OR56A3: variants seen among roughly 807,000 people sequenced by gnomAD.
The protein encoded by OR56A3 is olfactory receptor family 56 subfamily A member 3.
In OR56A3, 23 loss-of-function variants were observed where a neutral mutation model predicts 17.5. The observed-to-expected ratio is 1.32, with a 90% CI of 0.95 to 1.87. OR56A3 has a LOEUF of 1.87. Ranked by LOEUF, OR56A3 falls within the 40% of genes most tolerant of loss-of-function variation. The pLI is 0.00. For missense variants in OR56A3, 366 were observed against 380.1 expected, an observed-to-expected ratio of 0.96 and a Z score of 0.31; for synonymous variants, 175 against 150.6, an observed-to-expected ratio of 1.16 and a Z score of -1.19.
At chr11:6,002,349 A>G in the OR56A3 span, 2 of 1,614,052 alleles carry the variant, frequency 1.2e-6, no homozygotes, top group Admixed American at 3.3e-5. Context: ...AACAATAAGG[A>G]TAAGATCAGA....
chr11:6,014,185 A>G, the OR56A3 span, among the ~76,000 whole-genome samples: 54 of 152,338 alleles, frequency 3.5e-4, no homozygotes, highest in African/African-American at 1.1e-3. Flanking sequence ...GAAGTCTTCA[A>G]TAACAACCAC....
the OR56A3 span, chr11:5,994,301 C>T: frequency 8.5e-4 from 548 of 644,810 alleles, no homozygotes; most frequent in African/African-American, 8.5e-3. Context: ...TCAGCAGCTC[C>T]GACCTTGGCG....
At chr11:6,008,742 C>G in the OR56A3 span, among the ~76,000 whole-genome samples, 1 of 152,018 alleles carries the variant, frequency 6.6e-6, no homozygotes, top group Admixed American at 6.6e-5. Flanking sequence ...AAGCCCTATA[C>G]TACATGTTAT....
At chr11:6,006,008 T>C in the OR56A3 span, among the ~76,000 whole-genome samples, 11 of 152,070 alleles carry the variant, frequency 7.2e-5, no homozygotes, top group African/African-American at 2.7e-4. Flanking sequence ...GGAAAAGTGA[T>C]TAAGATCTGA....
At chr11:5,967,335 T>G in the OR56A3 span, among the ~76,000 whole-genome samples, 20 of 152,158 alleles carry the variant, frequency 1.3e-4, no homozygotes, top group Non-Finnish European at 2.4e-4. Context: ...CAAGAAAAAC[T>G]TCCAAACAAT....
At chr11:5,985,699 A>C in the OR56A3 span, among the ~76,000 whole-genome samples, 2 of 152,240 alleles carry the variant, frequency 1.3e-5, no homozygotes, top group Non-Finnish European at 2.9e-5. Context: ...TGACACAAGG[A>C]GTAGAGAAAT....
chr11:5,963,433 C>G, the OR56A3 span, among the ~76,000 whole-genome samples: 321 of 152,078 alleles, frequency 2.1e-3, no homozygotes, highest in Non-Finnish European at 3.7e-3. Context: ...TGAAGGAGAG[C>G]TTTGCTAGGT....
chr11:5,968,461 C>T, the OR56A3 span: 1 of 1,564,352 alleles, frequency 6.4e-7, no homozygotes, highest in Non-Finnish European at 8.7e-7. Context: ...AATTCAAAGA[C>T]TGGGGAAGTG....
rs997128947 is a variant in OR56A3, at chr11:5,944,805, G to A, written c.-313-1G>A. The A allele has an allele frequency of 2.6e-5, 4 of 152,134 alleles. No individual in the cohort carries two copies. Among genetic ancestry groups the A allele is most frequent in the Admixed American group, 6.5e-5 (1 of 15,282 alleles). The allele number at this position is 152,134 out of a possible 1,614,324, so 9.4% of individuals were successfully genotyped here. A position where few individuals can be genotyped will look rare whatever the true frequency, so the allele number is the denominator to read the frequency against. On this transcript the variant is annotated splice_acceptor_variant, in intron 1 of 2. Coordinates refer to ENST00000641160, the MANE Select transcript of OR56A3 (RefSeq NM_001003443.3). LOFTEE classifies it low-confidence loss of function (5UTR_SPLICE). ...TTACTAATATACCCTATTATTTACA[G>A]GAGAAAAGAATTGGGAGAATATCTA... is the stretch of plus-strand genomic sequence containing the variant.
the OR56A3 span, chr11:6,000,230 T>C: frequency 2.6e-5 from 4 of 152,214 alleles, no homozygotes; most frequent in African/African-American, 9.6e-5. Context: ...CCAACAATGG[T>C]AGACTGGATT....
chr11:6,003,099 C>T, the OR56A3 span: 5 of 1,605,770 alleles, frequency 3.1e-6, no homozygotes, highest in African/African-American at 4.0e-5. Flanking sequence ...TGGGTTTCCA[C>T]TGAGGCCCTG....
At chr11:6,002,173 C>G in the OR56A3 span, 1 of 1,614,180 alleles carries the variant, frequency 6.2e-7, no homozygotes, top group Non-Finnish European at 8.5e-7. Flanking sequence ...ATGGGGACAT[C>G]TGGAGGAATT....
At chr11:6,003,304 A>G in the OR56A3 span, 2 of 517,752 alleles carry the variant, frequency 3.9e-6, no homozygotes, top group Non-Finnish European at 6.6e-6. Context: ...AATTGTAAGA[A>G]GAATCTTCTA....
the OR56A3 span, chr11:6,002,638 T>C: frequency 6.2e-7 from 1 of 1,614,222 alleles, no homozygotes; most frequent in Non-Finnish European, 8.5e-7. Context: ...GCCATGACCA[T>C]GAACGTGCAG....
At chr11:5,979,436 C>T in the OR56A3 span, among the ~76,000 whole-genome samples, 2 of 151,852 alleles carry the variant, frequency 1.3e-5, no homozygotes, top group Non-Finnish European at 2.9e-5. Flanking sequence ...ATTTCTTCCT[C>T]ATTTAATCTT....
At chr11:5,960,120 C>T in the OR56A3 span, among the ~76,000 whole-genome samples, 1 of 152,040 alleles carries the variant, frequency 6.6e-6, no homozygotes, top group Non-Finnish European at 1.5e-5. Flanking sequence ...TTTTTGTTTT[C>T]TTTCTCAAGA....
At chr11:5,999,202 T>G in the OR56A3 span, among the ~76,000 whole-genome samples, 2 of 151,976 alleles carry the variant, frequency 1.3e-5, no homozygotes, top group Admixed American at 1.3e-4. Context: ...CAAAAATAAC[T>G]AGAGGGAAAG....
At chr11:5,960,367 C>T in the OR56A3 span, among the ~76,000 whole-genome samples, 1 of 152,132 alleles carries the variant, frequency 6.6e-6, no homozygotes, top group East Asian at 1.9e-4. Context: ...CTGCCTGATT[C>T]TCCTGCCTCA....
At chr11:5,943,059 T>C (rs1490071113) in intron 1 of OR56A3, among the ~76,000 whole-genome samples, 2 of 152,232 alleles carry the variant, frequency 1.3e-5, no homozygotes, top group African/African-American at 2.4e-5. Context: ...TTGGCAAGTT[T>C]TGATTACAAA....
Sources: gnomAD v4.1 joint callset for allele counts (sites outside exome capture counted in the v4.1 genomes callset) on GRCh38, gnomAD v4.1.1 for gene constraint, MANE v1.5 for transcripts, NCBI Gene and HGNC (gene_info 2026-07-23, HGNC 2026-07-21) for gene names.